MDGA2: variants seen among roughly 807,000 people sequenced by gnomAD.
MDGA2 encodes MAM domain containing glycosylphosphatidylinositol anchor 2, also known as MAM domain-containing glycosylphosphatidylinositol anchor protein 2.
Under a neutral mutation model 117.8 loss-of-function variants are expected in MDGA2, and 40 were observed. That is an observed-to-expected ratio of 0.34 (90% CI 0.26 to 0.44). The LOEUF is 0.44. Ranked by LOEUF, MDGA2 falls within the 20% of genes least tolerant of loss-of-function variation. The probability of loss-of-function intolerance (pLI) is 1.00; values close to 1 mark genes in which losing one functional copy is unlikely to be tolerated. For missense variants in MDGA2, 1,123 were observed against 1,250.6 expected, an observed-to-expected ratio of 0.90 and a Z score of 1.54; for synonymous variants, 452 against 439.0, an observed-to-expected ratio of 1.03 and a Z score of -0.37.
chr14:47,570,650 TGGGG>T (rs1896002195), intron 1 of MDGA2, among the ~76,000 whole-genome samples: 1 of 152,124 alleles, frequency 6.6e-6, no homozygotes, highest in Non-Finnish European at 1.5e-5. Flanking sequence ...AAACAAGCAA[TGGGG>T]AAAGGATTCC....
At chr14:46,933,333 A>G (rs1202212128) in intron 9 of MDGA2, among the ~76,000 whole-genome samples, 1 of 152,056 alleles carries the variant, frequency 6.6e-6, no homozygotes, top group Non-Finnish European at 1.5e-5. Context: ...ATTACTAGCA[A>G]GAAGTCTTTA....
intron 14 of MDGA2, among the ~76,000 whole-genome samples, chr14:46,859,470 C>T (rs1277703461): frequency 6.6e-6 from 1 of 152,138 alleles, no homozygotes; most frequent in African/African-American, 2.4e-5. Context: ...ATTCCAATGA[C>T]ATCAATTGTA....
At chr14:47,540,563 T>TATATATATATATATATATATATATAC (rs370481455) in intron 1 of MDGA2, among the ~76,000 whole-genome samples, 2 of 112,516 alleles carry the variant, frequency 1.8e-5, no homozygotes, top group Non-Finnish European at 3.8e-5. Flanking sequence ...TGTATATATA[T>TATATATATATATATATATATATATAC]ACACACACAC....
chr14:46,997,556 T>C lies in MDGA2; in HGVS notation c.1819+37455A>G, dbSNP rs146701931. 3.3e-4 allele frequency among the ~76,000 whole-genome samples: 51 copies of C among 152,274 alleles called. No individual in the cohort carries two copies. The East Asian group carries it at 9.5e-3, about 28-fold the overall frequency. ...TTAAAATGAGCAGTACTAAGGCCCG[T>C]GGTTAAAGAGCTAGCTAAGAAACCC... is the stretch of plus-strand genomic sequence containing the variant. On this transcript the variant is annotated intron_variant, in intron 8 of 16. Coordinates refer to ENST00000399232, the MANE Select transcript of MDGA2 (RefSeq NM_001113498.3).
intron 6 of MDGA2, among the ~76,000 whole-genome samples, chr14:47,089,138 T>C (rs1037830874): frequency 1.3e-5 from 2 of 152,084 alleles, no homozygotes; most frequent in African/African-American, 4.8e-5. Context: ...CTGGAAAGAA[T>C]CCCTAGTACA....
At chr14:47,563,703 T>C (rs1895865229) in intron 1 of MDGA2, among the ~76,000 whole-genome samples, 1 of 150,880 alleles carries the variant, frequency 6.6e-6, no homozygotes, top group African/African-American at 2.4e-5. Context: ...TCTTGCTTTT[T>C]TATCCAACTT....
rs34198544 is a variant in MDGA2 at position 47,158,363 on chromosome 14, GGTGTGTGTGTGT to G, written c.596-14101_596-14090del. 7.0e-4 allele frequency among the ~76,000 whole-genome samples: 103 copies of G among 146,784 alleles called. 1 individual carries two copies. Among genetic ancestry groups the G allele is most frequent in the Admixed American group, 4.7e-3 (69 of 14,788 alleles). On this transcript the variant is annotated intron_variant, in intron 3 of 16. Transcript: ENST00000399232. Reference sequence around the variant, plus strand: ...TTTCTCAGAACATATCCCTGGGGTGGGTGTGTGTGTGTGTGTGTGTGTGTGTGTGTGTGTGTT... The same window carrying G: ...TTTCTCAGAACATATCCCTGGGGTGGGTGTGTGTGTGTGTGTGTGTGTGTT...
chr14:47,144,815 A>ATTTTTTTTTTTTTTTTT (rs60842690), intron 3 of MDGA2, among the ~76,000 whole-genome samples: 5 of 130,454 alleles, frequency 3.8e-5, no homozygotes, highest in African/African-American at 6.1e-5. Context: ...TGCCCGGCTA[A>ATTTTTTTTTTTTTTTTT]TTTTTTTTTT....
At chr14:47,653,469 G>A (rs1044324448) in intron 1 of MDGA2, among the ~76,000 whole-genome samples, 1 of 152,050 alleles carries the variant, frequency 6.6e-6, no homozygotes, top group African/African-American at 2.4e-5. Flanking sequence ...GGTTATCTCT[G>A]GAGGCTACCC....
At chr14:47,492,506 AT>A (rs746922429) in intron 1 of MDGA2, among the ~76,000 whole-genome samples, 26 of 152,124 alleles carry the variant, frequency 1.7e-4, no homozygotes, top group Non-Finnish European at 3.7e-4. Context: ...ACATATATAT[AT>A]CTAAAATTAT....
At chr14:47,015,321 T>TAAA (rs5808372) in intron 8 of MDGA2, among the ~76,000 whole-genome samples, 1 of 145,250 alleles carries the variant, frequency 6.9e-6, no homozygotes, top group Non-Finnish European at 1.5e-5. Flanking sequence ...CACATGCTGT[T>TAAA]AAAAAAAAAA....
At chr14:47,013,081 A>G (rs959011192) in intron 8 of MDGA2, among the ~76,000 whole-genome samples, 1 of 152,132 alleles carries the variant, frequency 6.6e-6, no homozygotes, top group Non-Finnish European at 1.5e-5. Flanking sequence ...GCGATTTCTT[A>G]AAATAAGAAA....
At chr14:46,930,778 A>G (rs1038405438) in intron 9 of MDGA2, among the ~76,000 whole-genome samples, 4 of 152,168 alleles carry the variant, frequency 2.6e-5, no homozygotes, top group African/African-American at 7.2e-5. Context: ...CACCCTTTCA[A>G]TAGTTAATTG....
At chr14:46,857,351 T>C (rs1246230741) in intron 14 of MDGA2, among the ~76,000 whole-genome samples, 1 of 152,116 alleles carries the variant, frequency 6.6e-6, no homozygotes, top group East Asian at 1.9e-4. Context: ...AATATTCTCA[T>C]TTCTCTCATA....
At chr14:47,341,430 T>C (rs1890619209) in intron 1 of MDGA2, among the ~76,000 whole-genome samples, 1 of 152,174 alleles carries the variant, frequency 6.6e-6, no homozygotes, top group South Asian at 2.1e-4. Context: ...ATGAAAACTA[T>C]TTAAAGTGTA....
chr14:46,962,295 C>A (rs1025581092), intron 8 of MDGA2, among the ~76,000 whole-genome samples: 5 of 152,130 alleles, frequency 3.3e-5, no homozygotes, highest in African/African-American at 9.7e-5. Context: ...CCATCCTGTT[C>A]ATTTCAAAGT....
chr14:47,063,655 A>G (rs1889975617), intron 6 of MDGA2, among the ~76,000 whole-genome samples: 1 of 152,060 alleles, frequency 6.6e-6, no homozygotes, highest in Non-Finnish European at 1.5e-5. Context: ...TAACAGTTAA[A>G]TGAGAGTTTC....
intron 10 of MDGA2, among the ~76,000 whole-genome samples, chr14:46,917,621 T>C (rs1208424864): frequency 6.6e-6 from 1 of 152,040 alleles, no homozygotes; most frequent in East Asian, 1.9e-4. Context: ...TATGGAATCA[T>C]ATATAATTTA....
intron 1 of MDGA2, among the ~76,000 whole-genome samples, chr14:47,428,184 T>C (rs1892728676): frequency 6.6e-6 from 1 of 152,146 alleles, no homozygotes; most frequent in Non-Finnish European, 1.5e-5. Context: ...AAAGAAACTC[T>C]TTACTCACTT....
Sources: allele counts gnomAD v4.1 joint callset (sites outside exome capture counted in the v4.1 genomes callset), GRCh38; gene constraint gnomAD v4.1.1; transcripts MANE v1.5; gene names NCBI Gene and HGNC (gene_info 2026-07-23, HGNC 2026-07-21).